IL1R2: variants seen among roughly 807,000 people sequenced by gnomAD.
The protein encoded by IL1R2 is interleukin-1 receptor type 2.
A neutral mutation model predicts 39.5 loss-of-function variants in IL1R2; 46 were observed. The observed-to-expected ratio is 1.16, with a 90% confidence interval of 0.92 to 1.49. The LOEUF (loss-of-function observed/expected upper bound fraction) is 1.49, where lower values mean the gene tolerates loss of function less well. IL1R2 is among the 40% of genes most tolerant of loss of function. The pLI is 0.00. For missense variants in IL1R2, 537 were observed against 502.0 expected, an observed-to-expected ratio of 1.07 and a Z score of -0.67; for synonymous variants, 207 against 189.6, an observed-to-expected ratio of 1.09 and a Z score of -0.75.
At chr2:102,028,119 GA>G (rs1677844477) in intron 8 of IL1R2, 106 bp from the exon 9 acceptor site, 1 of 981,824 alleles carries the variant, frequency 1.0e-6, no homozygotes, top group South Asian at 2.5e-5. Flanking sequence ...CATTTATCAA[GA>G]AAAACAAACT....
At chr2:102,006,887 G>C (rs1376153953) in intron 1 of IL1R2, among the ~76,000 whole-genome samples, 2 of 152,210 alleles carry the variant, frequency 1.3e-5, no homozygotes, top group African/African-American at 4.8e-5. Context: ...GTGTGGCCTC[G>C]TGTGTGCTTT....
chr2:102,004,570 A>G (rs150655289), intron 1 of IL1R2, among the ~76,000 whole-genome samples: 17 of 152,250 alleles, frequency 1.1e-4, no homozygotes, highest in South Asian at 4.1e-4. Flanking sequence ...TTCTTCCAGT[A>G]AGAAGGTCAA....
At chr2:102,013,554 G>GAAAAAAAAA (rs1577711343) in intron 3 of IL1R2, among the ~76,000 whole-genome samples, 17 of 31,632 alleles carry the variant, frequency 5.4e-4, no homozygotes, top group East Asian at 2.0e-3. Flanking sequence ...AAAAAAAAAG[G>GAAAAAAAAA]AAAGAAAGAA....
At chr2:102,013,581 G>GAAAAAAAAAAAAAAAAAAAAAAAAAAAAA in intron 3 of IL1R2, among the ~76,000 whole-genome samples, 1 of 28,496 alleles carries the variant, frequency 3.5e-5, no homozygotes, top group Non-Finnish European at 7.2e-5. Flanking sequence ...AGAAGGAAAA[G>GAAAAAAAAAAAAAAAAAAAAAAAAAAAAA]AAAAAGAAAA....
chr2:102,002,492 T>TGTGTCTGTGTCC (rs1426032554), intron 1 of IL1R2, among the ~76,000 whole-genome samples: 6 of 137,490 alleles, frequency 4.4e-5, no homozygotes, highest in South Asian at 2.4e-4. Context: ...TGTCTGTGTC[T>TGTGTCTGTGTCC]GTGTCCGTGT....
At chr2:101,999,451 C>T (rs887352027) in intron 1 of IL1R2, among the ~76,000 whole-genome samples, 4 of 152,158 alleles carry the variant, frequency 2.6e-5, no homozygotes, top group African/African-American at 4.8e-5. Flanking sequence ...GTGGCTCTGC[C>T]GTTGGTGGCC....
Position 102,007,267 on chromosome 2 carries a change from T to C in IL1R2, c.-61-1248T>C, listed in dbSNP as rs1358607771. Among the ~76,000 whole-genome samples the C allele has an allele frequency of 2.6e-5, 4 of 152,168 alleles. No individual in the cohort carries two copies. The East Asian group carries it at 7.7e-4, about 29-fold the overall frequency. ...ATGGGGGAGGACTGCTTCATAAACTTGTACAAGCTATTTCTGTTTTGGATT... is the reference window on the plus strand; with the variant it reads ...ATGGGGGAGGACTGCTTCATAAACTCGTACAAGCTATTTCTGTTTTGGATT... On this transcript the variant is annotated intron_variant, in intron 1 of 8. Coordinates refer to ENST00000332549, the MANE Select transcript of IL1R2 (RefSeq NM_004633.4).
At chr2:102,023,442 A>C (rs541980032) in intron 6 of IL1R2, 1 of 152,366 alleles carries the variant, frequency 6.6e-6, no homozygotes, top group South Asian at 2.1e-4. Context: ...CTTTGGATGC[A>C]CTGGAATGGG....
At chr2:102,020,252 CT>C (rs1347777688) in intron 5 of IL1R2, among the ~76,000 whole-genome samples, 4 of 152,186 alleles carry the variant, frequency 2.6e-5, no homozygotes, top group Non-Finnish European at 5.9e-5. Flanking sequence ...TGGAAATTGC[CT>C]TTTATTTGTC....
chr2:101,992,752 G>C (rs1218473971), intron 1 of IL1R2, among the ~76,000 whole-genome samples: 1 of 152,170 alleles, frequency 6.6e-6, no homozygotes, highest in Non-Finnish European at 1.5e-5. Context: ...CAGAGACAGA[G>C]AGAGAGAGAC....
At chr2:101,996,084 T>C (rs1215015733) in intron 1 of IL1R2, among the ~76,000 whole-genome samples, 2 of 151,872 alleles carry the variant, frequency 1.3e-5, no homozygotes, top group Admixed American at 6.6e-5. Context: ...CACTTGTTTT[T>C]CTCAGTCACG....
At chr2:101,996,824 C>A (rs1577675505) in intron 1 of IL1R2, among the ~76,000 whole-genome samples, 1 of 151,642 alleles carries the variant, frequency 6.6e-6, no homozygotes, top group East Asian at 1.9e-4. Flanking sequence ...TATATATACT[C>A]ACTACAAATT....
intron 3 of IL1R2, among the ~76,000 whole-genome samples, chr2:102,014,370 A>T (rs1020531522): frequency 4.6e-5 from 7 of 152,220 alleles, no homozygotes; most frequent in African/African-American, 1.7e-4. Flanking sequence ...TCTGGCCTGC[A>T]TCTACTCGCT....
chr2:102,008,157 G>A (rs1329389507), intron 1 of IL1R2, among the ~76,000 whole-genome samples: 1 of 152,172 alleles, frequency 6.6e-6, no homozygotes, highest in Non-Finnish European at 1.5e-5. Flanking sequence ...GAGACCTCAC[G>A]AAGAAAGTGA....
intron 1 of IL1R2, among the ~76,000 whole-genome samples, chr2:101,992,318 GAGAC>G (rs1675377149): frequency 6.6e-6 from 1 of 150,820 alleles, no homozygotes; most frequent in Non-Finnish European, 1.5e-5. Context: ...GAGAAAGACA[GAGAC>G]AGAGAGAGGC....
In IL1R2 at chr2:102,009,659, C is replaced by A. The variant is rs768426892; in HGVS notation, c.165C>A (p.Tyr55Ter). The change falls in exon 3 of 9, where the codon TAC becomes TAA. Residue 55 changes from tyrosine (Y) to a stop codon, truncating the protein, a stop_gained. Coordinates refer to ENST00000332549, the MANE Select transcript of IL1R2 (RefSeq NM_004633.4). LOFTEE classifies it high-confidence loss of function. ...PVALRCPQVP[Y>*]WLWASVSPRI... ...CCCTGAGGTGCCCCCAGGTGCCCTACTGGTTGTGGGCCTCTGTCAGCCCCC... is the reference window on the plus strand; with the variant it reads ...CCCTGAGGTGCCCCCAGGTGCCCTAATGGTTGTGGGCCTCTGTCAGCCCCC... 6.2e-7 allele frequency: 1 copy of A among 1,614,204 alleles called. No homozygotes were observed. The highest frequency in any genetic ancestry group is 8.5e-7 in the Non-Finnish European group (1 of 1,180,030).
intron 1 of IL1R2, among the ~76,000 whole-genome samples, chr2:101,998,729 G>T (rs1675706537): frequency 6.6e-6 from 1 of 152,104 alleles, no homozygotes; most frequent in African/African-American, 2.4e-5. Context: ...CCCTACATGT[G>T]GCCTCCCTAG....
At chr2:102,024,089 A>G (rs1482501565) in intron 6 of IL1R2, among the ~76,000 whole-genome samples, 1 of 152,066 alleles carries the variant, frequency 6.6e-6, no homozygotes, top group Non-Finnish European at 1.5e-5. Flanking sequence ...ACGAGTTTTT[A>G]AAGAAGGGTT....
chr2:102,013,724 G>A (rs1432647779), intron 3 of IL1R2, among the ~76,000 whole-genome samples: 2 of 152,114 alleles, frequency 1.3e-5, no homozygotes, highest in Non-Finnish European at 2.9e-5. Flanking sequence ...TTTGCAGACA[G>A]TTAGGGACTT....
Sources: allele counts gnomAD v4.1 joint callset (sites outside exome capture counted in the v4.1 genomes callset), GRCh38; gene constraint gnomAD v4.1.1; transcripts MANE v1.5; gene names NCBI Gene and HGNC (gene_info 2026-07-23, HGNC 2026-07-21).